TENM2: variants seen among roughly 807,000 people sequenced by gnomAD.
TENM2 encodes the protein teneurin transmembrane protein 2.
Under a neutral mutation model 245.2 loss-of-function variants are expected in TENM2, and 52 were observed. That is an observed-to-expected ratio of 0.21 (90% CI 0.17 to 0.27). The LOEUF (loss-of-function observed/expected upper bound fraction) is 0.27, where lower values mean the gene tolerates loss of function less well. Ranked by LOEUF, TENM2 falls within the 10% of genes least tolerant of loss-of-function variation. TENM2 has a pLI of 1.00. For synonymous variants in TENM2, 1,363 were observed against 1,438.9 expected, an observed-to-expected ratio of 0.95 and a Z score of 1.19; for missense variants, 3,046 against 3,666.8, an observed-to-expected ratio of 0.83 and a Z score of 4.37.
intron 2 of TENM2, among the ~76,000 whole-genome samples, chr5:167,667,970 A>G (rs1275633527): frequency 1.3e-5 from 2 of 152,198 alleles, no homozygotes; most frequent in African/African-American, 4.8e-5. Context: ...TTCATTTTGA[A>G]GTTTGTTTCT....
At chr5:168,263,139 A>G (rs1175194560), downstream of TENM2, 1 of 244,726 alleles carries the variant, frequency 4.1e-6, no homozygotes, top group Non-Finnish European at 7.9e-6. Flanking sequence ...AGTGTCCAAA[A>G]GGAACAAAAG....
chr5:168,202,894 A>T (rs540312696), intron 17 of TENM2, among the ~76,000 whole-genome samples: 2 of 152,308 alleles, frequency 1.3e-5, no homozygotes, highest in South Asian at 4.1e-4. Context: ...AATGTATGGC[A>T]TCTCAGCACT....
intron 2 of TENM2, among the ~76,000 whole-genome samples, chr5:167,857,039 A>G (rs957939198): frequency 6.6e-6 from 1 of 152,216 alleles, no homozygotes; most frequent in African/African-American, 2.4e-5. Flanking sequence ...AACCACCTAG[A>G]GCAATGCCCT....
the TENM2 span, among the ~76,000 whole-genome samples, chr5:167,021,355 A>G: frequency 2.0e-5 from 3 of 152,234 alleles, no homozygotes; most frequent in African/African-American, 7.2e-5. Flanking sequence ...ATACAGTAGT[A>G]CAGGAAATTA....
At chr5:167,234,241 T>A in the TENM2 span, among the ~76,000 whole-genome samples, 9 of 152,352 alleles carry the variant, frequency 5.9e-5, no homozygotes, top group South Asian at 8.3e-4. Flanking sequence ...AATCAATTTT[T>A]AAAAATTCTT....
chr5:167,843,294 C>CA (rs1561845097), intron 2 of TENM2, among the ~76,000 whole-genome samples: 3 of 45,132 alleles, frequency 6.6e-5, no homozygotes, highest in South Asian at 4.8e-4. Flanking sequence ...AATTTGAGGA[C>CA]GTTTTTGTTT....
At chr5:167,142,242 G>GAA in the TENM2 span, among the ~76,000 whole-genome samples, 2 of 152,060 alleles carry the variant, frequency 1.3e-5, no homozygotes, top group Non-Finnish European at 2.9e-5. Context: ...CTTTTTAAAG[G>GAA]AAAGACTCTG....
chr5:167,560,926 TGTATCTAGTG>T (rs58100239), intron 2 of TENM2, among the ~76,000 whole-genome samples: 77,696 of 151,522 alleles, frequency 0.51, 21,371 homozygotes, highest in Middle Eastern at 0.63. Context: ...GTGGGCTGTG[TGTATCTAGTG>T]GGTAGAGTTC....
chr5:167,008,928 G>A, the TENM2 span, among the ~76,000 whole-genome samples: 1 of 152,090 alleles, frequency 6.6e-6, no homozygotes, highest in Non-Finnish European at 1.5e-5. Flanking sequence ...TTTTAGCATC[G>A]GTCCTGCAGA....
intron 12 of TENM2, among the ~76,000 whole-genome samples, chr5:168,136,130 T>G (rs531851962): frequency 6.6e-6 from 1 of 152,166 alleles, no homozygotes; most frequent in Non-Finnish European, 1.5e-5. Context: ...ATGAAACTGG[T>G]AGGTGACGTG....
At chr5:167,172,524 T>G in the TENM2 span, among the ~76,000 whole-genome samples, 1 of 152,184 alleles carries the variant, frequency 6.6e-6, no homozygotes, top group Admixed American at 6.6e-5. Flanking sequence ...CTAGTCTTGA[T>G]GTTAAGACTG....
chr5:167,617,910 A>G (rs1300129856), intron 2 of TENM2, among the ~76,000 whole-genome samples: 2 of 152,194 alleles, frequency 1.3e-5, no homozygotes, highest in African/African-American at 4.8e-5. Flanking sequence ...TTTGTACCTT[A>G]GCAAGATGGG....
the TENM2 span, among the ~76,000 whole-genome samples, chr5:167,001,412 T>C: frequency 6.6e-6 from 1 of 152,160 alleles, no homozygotes; most frequent in Non-Finnish European, 1.5e-5. Flanking sequence ...TGAATGTTGA[T>C]TTCTTTATTT....
Position 168,247,381 on chromosome 5 carries a change from A to T in TENM2, c.6442A>T (p.Met2148Leu). 1 of 1,613,976 alleles carries T rather than the reference A, an allele frequency of 6.2e-7. No homozygotes were observed. Among genetic ancestry groups the T allele is most frequent in the Non-Finnish European group, 8.5e-7 (1 of 1,179,896 alleles). ...CAACCAGATCATCACCACTGCCGTG[A>T]TGACCCTCAGCAAACACTTCGACAC... Residue 2148 changes from methionine to leucine, a missense_variant, in exon 27 of 29, where the codon ATG becomes TTG. Coordinates refer to ENST00000518659, the Ensembl canonical transcript of TENM2. This position sits in a 1 kb window ranked among gnomAD's most constrained non-coding sequence, Gnocchi z 7.8.
chr5:167,350,509 A>C (rs955289673), intron 1 of TENM2, among the ~76,000 whole-genome samples: 1 of 147,978 alleles, frequency 6.8e-6, no homozygotes, highest in Non-Finnish European at 1.5e-5. Context: ...CAAGATATAT[A>C]TATCCTATCC....
intron 4 of TENM2, among the ~76,000 whole-genome samples, chr5:167,958,231 C>T (rs1780712191): frequency 6.6e-6 from 1 of 152,110 alleles, no homozygotes; most frequent in Non-Finnish European, 1.5e-5. Flanking sequence ...TATGTAATGG[C>T]CTTCTTTGTC....
intron 2 of TENM2, among the ~76,000 whole-genome samples, chr5:167,445,369 A>AGAGAGAGAGTGAGTGAGT (rs35699708): frequency 2.7e-4 from 27 of 98,608 alleles, no homozygotes; most frequent in African/African-American, 1.4e-3. Context: ...AGAGAGAGAG[A>AGAGAGAGAGTGAGTGAGT]GTGTCAGGTG....
At chr5:167,680,451 T>TG (rs1756630117) in intron 2 of TENM2, among the ~76,000 whole-genome samples, 1 of 151,658 alleles carries the variant, frequency 6.6e-6, no homozygotes, top group South Asian at 2.1e-4. Flanking sequence ...AGAAATGAAG[T>TG]GGGGAGATTG....
chr5:167,490,475 T>C (rs978013851), intron 2 of TENM2, among the ~76,000 whole-genome samples: 2 of 152,162 alleles, frequency 1.3e-5, no homozygotes, highest in Admixed American at 1.3e-4. Context: ...TTTGCATGTC[T>C]TCTTTCATGA....
Sources: allele counts gnomAD v4.1 joint callset (sites outside exome capture counted in the v4.1 genomes callset), GRCh38; gene constraint gnomAD v4.1.1; non-coding constraint Gnocchi (gnomAD v3.1); transcripts MANE v1.5; gene names NCBI Gene and HGNC (gene_info 2026-07-23, HGNC 2026-07-21).